MYLK4: variants seen among roughly 807,000 people sequenced by gnomAD.
The protein encoded by MYLK4 is myosin light chain kinase family member 4, also known as caMLCK like.
A neutral mutation model predicts 48.1 loss-of-function variants in MYLK4; 46 were observed. That is an observed-to-expected ratio of 0.96 (90% CI 0.75 to 1.22). The LOEUF (loss-of-function observed/expected upper bound fraction) is 1.22. MYLK4 is among the 50% of genes most tolerant of loss of function. MYLK4 has a pLI of 0.00. For missense variants in MYLK4, 451 were observed against 486.1 expected (o/e 0.93, Z 0.68); for synonymous variants, 170 against 180.8 (o/e 0.94, Z 0.48).
intron 2 of MYLK4, among the ~76,000 whole-genome samples, chr6:2,729,580 A>G (rs896224086): frequency 1.3e-5 from 2 of 152,168 alleles, no homozygotes; most frequent in Non-Finnish European, 2.9e-5. Flanking sequence ...TGCCTGCCGC[A>G]GGGGGCCAGG....
chr6:2,731,595 C>T (rs918792140), intron 2 of MYLK4, among the ~76,000 whole-genome samples: 2 of 152,180 alleles, frequency 1.3e-5, no homozygotes, highest in African/African-American at 4.8e-5. Flanking sequence ...CTGCTCTGGA[C>T]TCCTATGGCA....
intron 2 of MYLK4, among the ~76,000 whole-genome samples, chr6:2,743,477 A>G: frequency 6.6e-6 from 1 of 152,248 alleles, no homozygotes; most frequent in South Asian, 2.1e-4. Context: ...CGACAGCTCA[A>G]AGGAGAAAGC....
At chr6:2,677,086 T>C (rs1405449261) in intron 10 of MYLK4, among the ~76,000 whole-genome samples, 1 of 152,182 alleles carries the variant, frequency 6.6e-6, no homozygotes, top group African/African-American at 2.4e-5. Context: ...CCTGTCGGAC[T>C]GATACCCCTA....
upstream of MYLK4, among the ~76,000 whole-genome samples, chr6:2,753,013 T>C (rs1476722622): frequency 1.3e-5 from 2 of 152,290 alleles, no homozygotes; most frequent in Non-Finnish European, 2.9e-5. Flanking sequence ...TCCATACCCA[T>C]AAAATGTTCT....
chr6:2,732,304 G>T (rs1372448642), intron 2 of MYLK4, among the ~76,000 whole-genome samples: 1 of 152,170 alleles, frequency 6.6e-6, no homozygotes, highest in African/African-American at 2.4e-5. Flanking sequence ...CAGCAGCCCA[G>T]ATGAGAACAA....
At chr6:2,738,608 G>A (rs1396861479) in intron 2 of MYLK4, among the ~76,000 whole-genome samples, 1 of 152,200 alleles carries the variant, frequency 6.6e-6, no homozygotes, top group East Asian at 1.9e-4. Flanking sequence ...CAGTTGCAGA[G>A]AAGAACCTCA....
chr6:2,768,596 G>C, the MYLK4 span: 5 of 1,091,798 alleles, frequency 4.6e-6, no homozygotes, highest in Admixed American at 3.1e-5. Flanking sequence ...AGTTGCTTTT[G>C]GTAAATAGTG....
chr6:2,685,275 G>A lies in MYLK4; in HGVS notation c.545+21C>T, dbSNP rs1053801826. On this transcript the variant is annotated intron_variant, in intron 6 of 12. Coordinates refer to ENST00000274643, the MANE Select transcript of MYLK4 (RefSeq NM_001012418.5). The surrounding 1 kb of genome is among the most constrained non-coding windows in gnomAD (Gnocchi z 4.5). ...TGAGTGCCCTTGGGGAGGTCAGGGA[G>A]GGGGCGGAGGGGATACGTACTACTC... 1.3e-6 allele frequency: 2 copies of A among 1,571,568 alleles called. No homozygotes were observed. The highest frequency in any genetic ancestry group is 1.7e-6 in the Non-Finnish European group (2 of 1,143,916).
At chr6:2,678,134 G>A in intron 10 of MYLK4, 86 bp downstream of exon 10, 6 of 1,482,550 alleles carry the variant, frequency 4.0e-6, no homozygotes, top group Non-Finnish European at 5.5e-6. Flanking sequence ...ATGTTAGTAA[G>A]AGAATAAATT....
intron 10 of MYLK4, 129 bp downstream of exon 10, chr6:2,678,091 C>T (rs1343505415): frequency 1.7e-6 from 2 of 1,192,642 alleles, no homozygotes; most frequent in Non-Finnish European, 2.4e-6. Flanking sequence ...GCTCAAACCT[C>T]ATTCTATCCA....
intron 2 of MYLK4, among the ~76,000 whole-genome samples, chr6:2,719,517 T>G (rs976330888): frequency 6.6e-6 from 1 of 152,202 alleles, no homozygotes. Flanking sequence ...CTGTGCCAAA[T>G]AATTTACTAT....
chr6:2,668,114 T>C (rs11242794), intron 12 of MYLK4, among the ~76,000 whole-genome samples: 23,495 of 151,970 alleles, frequency 0.15, 2,350 homozygotes, highest in East Asian at 0.44. Context: ...ACATTTTTTT[T>C]TTCTTTCCAA....
intron 3 of MYLK4, among the ~76,000 whole-genome samples, chr6:2,690,148 T>C (rs897978062): frequency 6.6e-6 from 1 of 152,192 alleles, no homozygotes; most frequent in Non-Finnish European, 1.5e-5. Context: ...TCCTACCCAG[T>C]GGGGTCAGGC....
At chr6:2,729,483 A>G (rs1763401508) in intron 2 of MYLK4, among the ~76,000 whole-genome samples, 1 of 152,228 alleles carries the variant, frequency 6.6e-6, no homozygotes, top group Non-Finnish European at 1.5e-5. Context: ...TTACAAACTT[A>G]TACTAAACAC....
intron 2 of MYLK4, among the ~76,000 whole-genome samples, chr6:2,726,423 G>A (rs1433670758): frequency 1.3e-5 from 2 of 151,974 alleles, no homozygotes; most frequent in Non-Finnish European, 2.9e-5. Flanking sequence ...CAGCGTGCAG[G>A]GGCTGCTTCC....
rs1481461553 is a variant in MYLK4 at position 2,725,595 on chromosome 6, G to C, written c.159+23541C>G. On this transcript the variant is annotated intron_variant, in intron 2 of 12. Coordinates refer to ENST00000274643, the MANE Select transcript of MYLK4 (RefSeq NM_001012418.5). The stretch of plus-strand genomic sequence containing the variant: ...AGAAAGAAAAAGAAAGAGAAAGAAA[G>C]AAAGAAAGAAACAAACAAACAAACA... Among the ~76,000 whole-genome samples the C allele has an allele frequency of 3.6e-5, 5 of 140,242 alleles. No homozygotes were observed. In the East Asian group the frequency reaches 9.9e-4, roughly 28 times the overall value. 92.0% of individuals were successfully genotyped at this position (140,242 alleles called of 152,430 possible).
chr6:2,761,579 A>C, the MYLK4 span, among the ~76,000 whole-genome samples: 1 of 152,232 alleles, frequency 6.6e-6, no homozygotes, highest in African/African-American at 2.4e-5. Context: ...AAATACTTTC[A>C]CATTGACAAG....
intron 9 of MYLK4, 152 bp downstream of exon 9, chr6:2,679,128 C>T (rs768755896): frequency 2.6e-5 from 22 of 837,476 alleles, no homozygotes; most frequent in Non-Finnish European, 4.3e-5. Flanking sequence ...CTTTCACCCA[C>T]AGGAGTCAAC....
At chr6:2,736,246 A>T (rs1001042223) in intron 2 of MYLK4, among the ~76,000 whole-genome samples, 1 of 152,246 alleles carries the variant, frequency 6.6e-6, no homozygotes, top group Admixed American at 6.5e-5. Context: ...AATATTTGTT[A>T]TTATTGCTGT....
Sources: allele counts gnomAD v4.1 joint callset (sites outside exome capture counted in the v4.1 genomes callset), GRCh38; gene constraint gnomAD v4.1.1; non-coding constraint Gnocchi (gnomAD v3.1); transcripts MANE v1.5; gene names NCBI Gene and HGNC (gene_info 2026-07-23, HGNC 2026-07-21).